NOTUM: variants seen among roughly 807,000 people sequenced by gnomAD.
NOTUM encodes palmitoleoyl-protein carboxylesterase NOTUM.
In NOTUM, 36 loss-of-function variants were observed where a neutral mutation model predicts 65.5. The observed-to-expected ratio is 0.55, with a 90% CI of 0.42 to 0.73. The LOEUF is 0.73. Ranked by LOEUF, NOTUM falls within the 30% of genes least tolerant of loss-of-function variation. NOTUM has a pLI of 0.00. For synonymous variants in NOTUM, 356 were observed against 297.9 expected (o/e 1.20, Z -2.01); for missense variants, 659 against 694.2 (o/e 0.95, Z 0.57).
chr17:81,956,830 G>C (rs923313913), intron 7 of NOTUM, 53 bp downstream of exon 7: 17 of 1,594,608 alleles, frequency 1.1e-5, no homozygotes, highest in African/African-American at 1.3e-5. Context: ...CTCCACCCAG[G>C]CCCTTCTGGG....
intron 10 of NOTUM, 67 bp downstream of exon 10, chr17:81,954,189 T>C: frequency 2.5e-6 from 3 of 1,185,648 alleles, no homozygotes; most frequent in African/African-American, 3.0e-5. Context: ...CCAAGTGCGG[T>C]TGGGGAGCAT....
rs760869515 is a variant in NOTUM, at chr17:81,957,022, C to G, written c.748G>C (p.Glu250Gln). 2 of 1,611,114 alleles carry G rather than the reference C, an allele frequency of 1.2e-6. No individual in the cohort carries two copies. Among genetic ancestry groups the G allele is most frequent in the South Asian group, 2.2e-5 (2 of 91,076 alleles). ...TGGATGGCTGGGTAGCCCAGCTTCTCCAGCTGCTCAGCCACACGGTCCACA... is the reference window on the plus strand; with the variant it reads ...TGGATGGCTGGGTAGCCCAGCTTCTGCAGCTGCTCAGCCACACGGTCCACA... ...LNVDRVAEQL[E>Q]KLGYPAIQVR... The change falls in exon 7 of 11, where the codon GAG (glutamate) becomes CAG (glutamine). Residue 250 changes from glutamate (E) to glutamine (Q), a missense_variant. Physicochemically the swap from Glu to Gln is conservative, Grantham distance 29. Transcript: ENST00000409678.
At chr17:81,954,621 G>A (rs1343242711) in intron 9 of NOTUM, among the ~76,000 whole-genome samples, 1 of 152,184 alleles carries the variant, frequency 6.6e-6, no homozygotes, top group African/African-American at 2.4e-5. Flanking sequence ...TCGGGGTCTG[G>A]CTCTATCGCC....
chr17:81,958,707 C>T (rs2041451615), intron 4 of NOTUM, among the ~76,000 whole-genome samples: 1 of 151,428 alleles, frequency 6.6e-6, no homozygotes. Flanking sequence ...AGGACCATCT[C>T]AGGATAGACC....
In NOTUM at chr17:81,956,873, G is replaced by C. The variant is rs763958171; in HGVS notation, c.887+10C>G. On this transcript the variant is annotated intron_variant, in intron 7 of 10. Coordinates refer to ENST00000409678, the MANE Select transcript of NOTUM (RefSeq NM_178493.6). ...TGCAGCACGAGGACGGGCCCTCCCC[G>C]CTGCGGCACCTGATGCCACGGCGGA... The C allele has an allele frequency of 6.2e-7, 1 of 1,606,006 alleles. No individual in the cohort carries two copies. Among genetic ancestry groups the C allele is most frequent in the East Asian group, 2.2e-5 (1 of 44,750 alleles).
intron 8 of NOTUM, among the ~76,000 whole-genome samples, chr17:81,956,047 C>G (rs1432192592): frequency 6.6e-6 from 1 of 152,128 alleles, no homozygotes; most frequent in Non-Finnish European, 1.5e-5. Context: ...CAGAATGTGG[C>G]TTCCTTCTTT....
intron 4 of NOTUM, among the ~76,000 whole-genome samples, 166 bp from the exon 5 acceptor site, chr17:81,958,559 ACTC>A (rs915067873): frequency 1.3e-4 from 19 of 150,776 alleles, no homozygotes; most frequent in African/African-American, 4.7e-4. Flanking sequence ...CCAGCGTAAT[ACTC>A]CTCAGGAAGA....
At chr17:81,957,183 G>T in intron 6 of NOTUM, 109 bp from the exon 7 acceptor site, 1 of 833,772 alleles carries the variant, frequency 1.2e-6, no homozygotes, top group Non-Finnish European at 1.9e-6. Context: ...GTCCTGATGC[G>T]TTCTGAACTG....
At chr17:81,957,220 C>T (rs2143944708) in intron 6 of NOTUM, 146 bp from the exon 7 acceptor site, 4 of 685,960 alleles carry the variant, frequency 5.8e-6, no homozygotes, top group South Asian at 1.9e-5. Flanking sequence ...TCTCTGTTCA[C>T]GTGCAAGACC....
At position 81,959,584 on chromosome 17, in the gene NOTUM, G is replaced by GCTCAGGCC; in HGVS notation, c.377-26_377-19dup. On this transcript the variant is annotated intron_variant, in intron 2 of 10. Transcript: ENST00000409678. ...CCAGCCGCCTGCGGACACGACCGCC[G>GCTCAGGCC]CTCAGGCCCGCGCGCACAGACCCCC... 1 of 1,547,408 alleles carries GCTCAGGCC rather than the reference G, an allele frequency of 6.5e-7. No individual in the cohort carries two copies. Among genetic ancestry groups the GCTCAGGCC allele is most frequent in the Non-Finnish European group, 8.7e-7 (1 of 1,145,548 alleles).
chr17:81,958,307 G>A (rs778768514), intron 5 of NOTUM, 28 bp downstream of exon 5: 1 of 1,542,196 alleles, frequency 6.5e-7, no homozygotes, highest in South Asian at 1.1e-5. Flanking sequence ...TCCCTGCCCT[G>A]CCATGCCCTG....
chr17:81,960,057 G>A lies in NOTUM; in HGVS notation c.324-365C>T, dbSNP rs1371186865. Among the ~76,000 whole-genome samples the A allele has an allele frequency of 1.3e-5, 2 of 152,014 alleles. No homozygotes were observed. The highest frequency in any genetic ancestry group is 2.9e-5 in the Non-Finnish European group (2 of 67,950). Reference sequence around the variant, plus strand: ...GCTTGGCGGGGGAACGGGACGCCGCGGGGAGCGCGGGAGGCGCGGGCGGCA... The same window carrying A: ...GCTTGGCGGGGGAACGGGACGCCGCAGGGAGCGCGGGAGGCGCGGGCGGCA... On this transcript the variant is annotated intron_variant, in intron 1 of 10. Transcript: ENST00000409678. The surrounding 1 kb of genome is among the most constrained non-coding windows in gnomAD (Gnocchi z 6.4).
rs1169607306 is a variant in NOTUM at position 81,957,735 on chromosome 17, C to T, written c.695+71G>A. 1.8e-5 allele frequency: 20 copies of T among 1,099,570 alleles called. No homozygotes were observed. The Admixed American group carries it at 2.0e-4, about 11-fold the overall frequency. The allele number at this position is 1,099,570 out of a possible 1,614,324, so 68.1% of individuals were successfully genotyped here. A position where few individuals can be genotyped will look rare whatever the true frequency, so the allele number is the denominator to read the frequency against. On this transcript the variant is annotated intron_variant, in intron 6 of 10. Coordinates refer to ENST00000409678, the MANE Select transcript of NOTUM (RefSeq NM_178493.6). ...ATCCTCGCCTCTCATACAACCCCAC[C>T]CCACACCCCTTCCATGCACCCTGCA...
Position 81,960,370 on chromosome 17 carries a change from G to A in NOTUM, c.323+217C>T, listed in dbSNP as rs1017930672. ...AGCGGCTGGGCCCAGAGGCCGAGGG[G>A]TCAGTGCCCGAGCTGGCCGGGGACC... is the stretch of plus-strand genomic sequence containing the variant. On this transcript the variant is annotated intron_variant, in intron 1 of 10. Transcript: ENST00000409678. The surrounding 1 kb of genome is among the most constrained non-coding windows in gnomAD (Gnocchi z 6.4). 2.0e-5 allele frequency among the ~76,000 whole-genome samples: 3 copies of A among 152,214 alleles called. No homozygotes were observed. Among genetic ancestry groups the A allele is most frequent in the African/African-American group, 7.2e-5 (3 of 41,464 alleles).
rs1248702391 is a variant in NOTUM, at chr17:81,960,630, G to A, written c.280C>T (p.Leu94=). Reference sequence around the variant, plus strand: ...TTGCAGGTCACCGAGGTGTTGAGTAGGAGGTGCAGGCGCAGGTCCTCGTTG... The same window carrying A: ...TTGCAGGTCACCGAGGTGTTGAGTAAGAGGTGCAGGCGCAGGTCCTCGTTG... ...QLNEDLRLHL[L]LNTSVTCNDG... is the part of the protein sequence containing the mutation. The change falls in exon 1 of 11, where the codon CTA becomes TTA. Residue 94 remains leucine, a synonymous_variant. Transcript: ENST00000409678. The surrounding 1 kb of genome is among the most constrained non-coding windows in gnomAD (Gnocchi z 6.4). 10 of 1,548,120 alleles carry A rather than the reference G, an allele frequency of 6.5e-6. No individual in the cohort carries two copies. The highest frequency in any genetic ancestry group is 8.8e-6 in the Non-Finnish European group (10 of 1,141,790).
At chr17:81,953,388 C>A in intron 10 of NOTUM, 121 bp from the exon 11 acceptor site, 1 of 643,570 alleles carries the variant, frequency 1.6e-6, no homozygotes, top group South Asian at 1.9e-5. Flanking sequence ...CTCCGCCTCC[C>A]GGGTTCAAGC....
At chr17:81,955,201 G>A (rs922510490) in intron 9 of NOTUM, among the ~76,000 whole-genome samples, 196 bp downstream of exon 9, 11 of 151,962 alleles carry the variant, frequency 7.2e-5, no homozygotes, top group South Asian at 2.1e-4. Context: ...GGCTGGTCTC[G>A]CACTCCTGAC....
chr17:81,960,600 C>A lies in NOTUM; in HGVS notation c.310G>T (p.Gly104Cys), dbSNP rs779658269. ...CGCGGGCCTTACCCGGCGGGGCTGC[C>A]GTCGTTGCAGGTCACCGAGGTGTTG... ...LLNTSVTCND[G>C]SPAGYYLKES... The change falls in exon 1 of 11, where the codon GGC becomes TGC. Residue 104 changes from glycine (G) to cysteine (C), a missense_variant. Coordinates refer to ENST00000409678, the MANE Select transcript of NOTUM (RefSeq NM_178493.6). This position sits in a 1 kb window ranked among gnomAD's most constrained non-coding sequence, Gnocchi z 6.4. 6 of 1,508,152 alleles carry A rather than the reference C, an allele frequency of 4.0e-6. No homozygotes were observed. The highest frequency in any genetic ancestry group is 5.4e-6 in the Non-Finnish European group (6 of 1,116,588). 93.4% of individuals were successfully genotyped at this position (1,508,152 alleles called of 1,614,324 possible).
At chr17:81,956,137 C>T (rs2041431575) in intron 8 of NOTUM, among the ~76,000 whole-genome samples, 1 of 152,232 alleles carries the variant, frequency 6.6e-6, no homozygotes, top group African/African-American at 2.4e-5. Flanking sequence ...AACTGCCTTT[C>T]CTTGAAGACG....
Sources: gnomAD v4.1 joint callset for allele counts (sites outside exome capture counted in the v4.1 genomes callset) on GRCh38, gnomAD v4.1.1 for gene constraint, Gnocchi (gnomAD v3.1) non-coding constraint, MANE v1.5 for transcripts, NCBI Gene and HGNC (gene_info 2026-07-23, HGNC 2026-07-21) for gene names.